Variants in ADGRD1 observed in about 807,000 individuals in gnomAD.
ADGRD1 encodes adhesion G protein-coupled receptor D1, also known as G-protein coupled receptor 133.
Under a neutral mutation model 113.4 loss-of-function variants are expected in ADGRD1, and 77 were observed. That is an observed-to-expected ratio of 0.68 (90% CI 0.57 to 0.82). ADGRD1 has a LOEUF of 0.82. Ranked by LOEUF, ADGRD1 falls within the 40% of genes least tolerant of loss-of-function variation. ADGRD1 has a pLI of 0.00. For synonymous variants in ADGRD1, 474 were observed against 475.0 expected (o/e 1.00, Z 0.03); for missense variants, 1,036 against 1,139.1 (o/e 0.91, Z 1.30).
intron 17 of ADGRD1, among the ~76,000 whole-genome samples, chr12:131,106,903 CT>C (rs908030184): frequency 6.6e-6 from 1 of 152,200 alleles, no homozygotes; most frequent in Non-Finnish European, 1.5e-5. Context: ...ATGAGGATTC[CT>C]TACAGTGCAG....
chr12:130,972,346 G>T (rs1569018), intron 4 of ADGRD1, among the ~76,000 whole-genome samples: 141,890 of 152,252 alleles, frequency 0.93, 66,922 homozygotes, highest in East Asian at 1. Context: ...AGTCCTCGTA[G>T]GAAGCTCTAA....
At chr12:131,070,889 G>A (rs747525623) in intron 13 of ADGRD1, 3 of 519,020 alleles carry the variant, frequency 5.8e-6, no homozygotes, top group South Asian at 1.4e-5. Context: ...CTGGAGAGTC[G>A]GGTGAGTCTG....
intron 13 of ADGRD1, among the ~76,000 whole-genome samples, chr12:131,020,577 A>G (rs559090664): frequency 3.9e-5 from 6 of 152,232 alleles, no homozygotes; most frequent in Non-Finnish European, 8.8e-5. Flanking sequence ...AATGTTGGCC[A>G]TGCCCACCTG....
rs772765392 is a variant in ADGRD1 at position 131,105,843 on chromosome 12, G to A, written c.1865G>A (p.Ser622Asn). The A allele has an allele frequency of 1.4e-5, 22 of 1,599,730 alleles. No individual in the cohort carries two copies. In the African/African-American group the frequency reaches 2.9e-4, roughly 21 times the overall value. ...VLVAQVLLLI[S>N]FRLEPGTTPC... ...GTGGCCCAGGTCCTGCTGCTCATTA[G>A]TTTCCGCCTCGAGCCGGGCACGGTG... Residue 622 changes from serine (S) to asparagine (N), a missense_variant, in exon 17 of 25, where the codon AGT becomes AAT. By Grantham distance (46) the Ser-to-Asn change is conservative. Coordinates refer to ENST00000261654, the MANE Select transcript of ADGRD1 (RefSeq NM_198827.5).
At chr12:130,991,699 T>C (rs897868926) in intron 7 of ADGRD1, among the ~76,000 whole-genome samples, 5 of 152,194 alleles carry the variant, frequency 3.3e-5, no homozygotes, top group Non-Finnish European at 7.3e-5. Context: ...ATTACTATCA[T>C]GGTATAAAAA....
At chr12:131,025,966 C>T (rs950519414) in intron 13 of ADGRD1, 1 of 152,318 alleles carries the variant, frequency 6.6e-6, no homozygotes, top group East Asian at 1.9e-4. Context: ...GGGCACTCCA[C>T]ATGCCCCAGG....
chr12:131,045,943 G>A (rs1882659290), intron 13 of ADGRD1, among the ~76,000 whole-genome samples: 1 of 151,632 alleles, frequency 6.6e-6, no homozygotes, highest in South Asian at 2.1e-4. Context: ...TCCCGCCCTG[G>A]TTGGTGCTCC....
chr12:131,067,623 C>G (rs1474122089), intron 13 of ADGRD1, among the ~76,000 whole-genome samples: 1 of 130,092 alleles, frequency 7.7e-6, no homozygotes, highest in Non-Finnish European at 1.6e-5. Flanking sequence ...ATCGCTGTGC[C>G]CCTGATCCTT....
At chr12:131,080,216 C>T in intron 14 of ADGRD1, among the ~76,000 whole-genome samples, 1 of 152,274 alleles carries the variant, frequency 6.6e-6, no homozygotes, top group Admixed American at 6.5e-5. Context: ...GTGACTTCCT[C>T]TTCAACCTCT....
chr12:130,983,946 A>G (rs1873324787), intron 5 of ADGRD1, among the ~76,000 whole-genome samples: 1 of 152,210 alleles, frequency 6.6e-6, no homozygotes, highest in Non-Finnish European at 1.5e-5. Flanking sequence ...CTTGTTGATG[A>G]GCGTGGTTCT....
intron 19 of ADGRD1, among the ~76,000 whole-genome samples, chr12:131,118,740 G>A (rs570753654): frequency 8.5e-5 from 13 of 152,198 alleles, no homozygotes; most frequent in Non-Finnish European, 1.6e-4. Context: ...TTTCACCCAC[G>A]TGGTCTTCTC....
chr12:130,976,859 G>GA (rs113024390), intron 4 of ADGRD1: 1,510 of 135,700 alleles, frequency 0.011, 18 homozygotes, highest in African/African-American at 0.033. Context: ...CTGTCTCAAT[G>GA]AAAAAAAAAA....
At chr12:131,112,419 T>C (rs1430283193) in intron 18 of ADGRD1, among the ~76,000 whole-genome samples, 1 of 152,180 alleles carries the variant, frequency 6.6e-6, no homozygotes, top group Non-Finnish European at 1.5e-5. Flanking sequence ...CGTAGGGGTA[T>C]TTTTGAGGCC....
chr12:130,999,978 C>T lies in ADGRD1; in HGVS notation c.967-405C>T, dbSNP rs140095988. ...CTAGAGAGGTCATTTTCAGTGAACACGAGTGCTTCCACGTCAGTTTGGTTT... is the reference window on the plus strand; with the variant it reads ...CTAGAGAGGTCATTTTCAGTGAACATGAGTGCTTCCACGTCAGTTTGGTTT... On this transcript the variant is annotated intron_variant, in intron 8 of 24. Transcript: ENST00000261654. Among the ~76,000 whole-genome samples, 213 of 152,306 alleles carry T rather than the reference C, an allele frequency of 1.4e-3. 2 individuals are homozygous for T. The highest frequency in any genetic ancestry group is 4.7e-3 in the African/African-American group (196 of 41,566).
rs1392402901 is a variant in ADGRD1 at position 131,022,085 on chromosome 12, A to G, written c.1473+7745A>G. ...CTCATTTTATCTTAATCACCCCTTC[A>G]AAGACCCTGACTCCAAACACTGTCA... On this transcript the variant is annotated intron_variant, in intron 13 of 24. Transcript: ENST00000261654. This position sits in a 1 kb window ranked among gnomAD's most constrained non-coding sequence, Gnocchi z 4.6. 6.6e-6 allele frequency among the ~76,000 whole-genome samples: 1 copy of G among 152,096 alleles called. No homozygotes were observed. Among genetic ancestry groups the G allele is most frequent in the Admixed American group, 6.5e-5 (1 of 15,270 alleles).
At chr12:130,956,764 C>T (rs1869640615) in intron 2 of ADGRD1, 1 of 150,432 alleles carries the variant, frequency 6.6e-6, no homozygotes, top group South Asian at 2.1e-4. Context: ...AGCCCACACG[C>T]ATTCTCACAC....
intron 15 of ADGRD1, among the ~76,000 whole-genome samples, chr12:131,093,793 C>G (rs1364712798): frequency 6.6e-6 from 1 of 152,214 alleles, no homozygotes; most frequent in Non-Finnish European, 1.5e-5. Context: ...CACACAGGTC[C>G]CTCCCAGTGA....
At chr12:130,967,148 A>T in intron 3 of ADGRD1, 1 of 419,110 alleles carries the variant, frequency 2.4e-6, no homozygotes, top group Non-Finnish European at 5.0e-6. Flanking sequence ...CAGATGTCAA[A>T]GGTCATGCCA....
chr12:130,955,123 C>CTT (rs71451389), intron 2 of ADGRD1, among the ~76,000 whole-genome samples: 8 of 99,694 alleles, frequency 8.0e-5, no homozygotes, highest in African/African-American at 1.3e-4. Context: ...CTACACCCAG[C>CTT]TTTTTTTTTT....
Sources: gnomAD v4.1 joint callset for allele counts (sites outside exome capture counted in the v4.1 genomes callset) on GRCh38, gnomAD v4.1.1 for gene constraint, Gnocchi (gnomAD v3.1) non-coding constraint, MANE v1.5 for transcripts, NCBI Gene and HGNC (gene_info 2026-07-23, HGNC 2026-07-21) for gene names.